Variants in KCNK9 observed in about 807,000 individuals in gnomAD.
KCNK9 encodes potassium two pore domain channel subfamily K member 9.
In KCNK9, 1 loss-of-function variant was observed where a neutral mutation model predicts 10.8. The ratio of observed to expected loss-of-function variants is 0.09; its 90% CI spans 0.03 to 0.44. The LOEUF (loss-of-function observed/expected upper bound fraction) is 0.44, where lower values mean the gene tolerates loss of function less well. KCNK9 is among the 20% of genes least tolerant of loss of function. KCNK9 has a pLI of 0.97. For synonymous variants in KCNK9, 231 were observed against 222.7 expected (o/e 1.04, Z -0.33); for missense variants, 303 against 515.0 (o/e 0.59, Z 3.98).
Position 139,702,837 on chromosome 8 carries a change from G to A in KCNK9, c.156C>T (p.Tyr52=). The change falls in exon 1 of 2, where the codon TAC becomes TAT. Residue 52 remains tyrosine (Y), a synonymous_variant. Coordinates refer to ENST00000520439, the MANE Select transcript of KCNK9 (RefSeq NM_001282534.2). The surrounding 1 kb of genome is among the most constrained non-coding windows in gnomAD (Gnocchi z 7.5). ...GCCGGTAGTCCTCGCTGCTGATGTT[G>A]TACTTCCCCTTGATCCGGATCTCCT... is the stretch of plus-strand genomic sequence containing the variant. The part of the protein sequence containing the change: ...KAEEIRIKGK[Y]NISSEDYRQL... The A allele has an allele frequency of 6.2e-7, 1 of 1,614,024 alleles. No homozygotes were observed. Among genetic ancestry groups the A allele is most frequent in the Non-Finnish European group, 8.5e-7 (1 of 1,179,978 alleles).
intron 1 of KCNK9, among the ~76,000 whole-genome samples, chr8:139,687,446 A>G (rs138973071): frequency 0.31 from 17,515 of 57,394 alleles, 3,909 homozygotes; most frequent in Non-Finnish European, 0.38. Context: ...ATATATATGT[A>G]TACACATATA....
At chr8:139,610,022 TAG>T (rs144098502), downstream of KCNK9, among the ~76,000 whole-genome samples, 982 of 152,286 alleles carry the variant, frequency 6.4e-3, 9 homozygotes, top group African/African-American at 0.023. Flanking sequence ...CCATGTTCCC[TAG>T]ACTTGACTTC....
At chr8:139,602,487 C>T (rs1471170553) in intron 2 of KCNK9, among the ~76,000 whole-genome samples, 2 of 152,148 alleles carry the variant, frequency 1.3e-5, no homozygotes, top group Admixed American at 6.5e-5. Flanking sequence ...GGTGGGAGAC[C>T]TTATAGGACC....
At chr8:139,641,164 G>T (rs1356885771) in intron 1 of KCNK9, among the ~76,000 whole-genome samples, 1 of 152,166 alleles carries the variant, frequency 6.6e-6, no homozygotes, top group African/African-American at 2.4e-5. Context: ...AGACGCCCAG[G>T]GACCTGTACT....
rs915603122 is a variant in KCNK9 at position 139,633,026 on chromosome 8, C to T, written c.284-13927G>A. 1.3e-4 allele frequency among the ~76,000 whole-genome samples: 20 copies of T among 152,112 alleles called. 1 individual carries two copies. Among genetic ancestry groups the T allele is most frequent in the Admixed American group, 4.6e-4 (7 of 15,266 alleles). Reference sequence around the variant, plus strand: ...CACGTCCATGGAACAGGTGAGAAAACGAGGGCTCAGGGACACGAGTAGCAG... The same window carrying T: ...CACGTCCATGGAACAGGTGAGAAAATGAGGGCTCAGGGACACGAGTAGCAG... On this transcript the variant is annotated intron_variant, in intron 1 of 1. Transcript: ENST00000520439.
At chr8:139,624,633 G>A (rs893387015) in intron 1 of KCNK9, among the ~76,000 whole-genome samples, 1 of 152,132 alleles carries the variant, frequency 6.6e-6, no homozygotes, top group African/African-American at 2.4e-5. Flanking sequence ...CCCCAGCTCA[G>A]CCCAGCCCCA....
chr8:139,674,792 G>A (rs2129744499), intron 1 of KCNK9, among the ~76,000 whole-genome samples: 1 of 152,244 alleles, frequency 6.6e-6, no homozygotes, highest in South Asian at 2.1e-4. Flanking sequence ...AGCAAGACAG[G>A]GACTCAGCCC....
chr8:139,614,429 G>A (rs910265395), downstream of KCNK9, among the ~76,000 whole-genome samples: 1 of 152,218 alleles, frequency 6.6e-6, no homozygotes, highest in African/African-American at 2.4e-5. Context: ...CTGCAAATGA[G>A]CTGCTGTGAC....
chr8:139,661,563 C>CTTTTTTTTTTTTTTTTTG (rs1816151863), intron 1 of KCNK9, among the ~76,000 whole-genome samples: 1 of 152,200 alleles, frequency 6.6e-6, no homozygotes, highest in Non-Finnish European at 1.5e-5. Context: ...CTCAGCTTCC[C>CTTTTTTTTTTTTTTTTTG]AGTGATAAGA....
intron 1 of KCNK9, among the ~76,000 whole-genome samples, chr8:139,661,824 C>A (rs879652233): frequency 5.3e-5 from 8 of 152,184 alleles, no homozygotes; most frequent in Non-Finnish European, 1.2e-4. Flanking sequence ...CAAAGGGGAC[C>A]ATTTGACCCA....
At chr8:139,691,689 C>T (rs1355662514) in intron 1 of KCNK9, among the ~76,000 whole-genome samples, 1 of 152,138 alleles carries the variant, frequency 6.6e-6, no homozygotes. Flanking sequence ...GGATATATAG[C>T]CATTAAAATC....
chr8:139,631,238 A>C (rs368963489), intron 1 of KCNK9, among the ~76,000 whole-genome samples: 33 of 152,376 alleles, frequency 2.2e-4, no homozygotes, highest in African/African-American at 7.5e-4. Context: ...GCCTTTCAGC[A>C]TTGACAAAAG....
At chr8:139,678,209 A>C (rs1024488177) in intron 1 of KCNK9, among the ~76,000 whole-genome samples, 2 of 152,234 alleles carry the variant, frequency 1.3e-5, no homozygotes, top group Non-Finnish European at 1.5e-5. Flanking sequence ...TGGAATCAAG[A>C]TTCTGCCCAA....
rs1316932936 is a variant in KCNK9 at position 139,677,798 on chromosome 8, A to G, written c.283+24912T>C. On this transcript the variant is annotated intron_variant, in intron 1 of 1. Transcript: ENST00000520439. ...TGTGTCCCCATGGCTGCAGAGTAATACCTCACCTCCCAGCCCAACAGGTCC... is the reference window on the plus strand; with the variant it reads ...TGTGTCCCCATGGCTGCAGAGTAATGCCTCACCTCCCAGCCCAACAGGTCC... 2.0e-3 allele frequency among the ~76,000 whole-genome samples: 300 copies of G among 147,456 alleles called. 1 individual carries two copies. Among genetic ancestry groups the G allele is most frequent in the African/African-American group, 7.3e-3 (275 of 37,618 alleles).
downstream of KCNK9, among the ~76,000 whole-genome samples, chr8:139,608,997 C>A (rs1048928005): frequency 6.6e-6 from 1 of 151,558 alleles, no homozygotes; most frequent in Admixed American, 6.6e-5. Context: ...ACTGCCCCCA[C>A]CCCCGCGTAT....
In KCNK9 at chr8:139,675,945, G is replaced by A. The variant is rs73725108; in HGVS notation, c.283+26765C>T. 9.5e-3 allele frequency among the ~76,000 whole-genome samples: 1,441 copies of A among 152,228 alleles called. 23 individuals are homozygous for A. Among genetic ancestry groups the A allele is most frequent in the African/African-American group, 0.033 (1,381 of 41,476 alleles). On this transcript the variant is annotated intron_variant, in intron 1 of 1. Coordinates refer to ENST00000520439, the MANE Select transcript of KCNK9 (RefSeq NM_001282534.2). ...ATCATGTGACCAAGTGCTGGCCAATGGAATGTGGGCAGAAATAATACACTG... is the reference window on the plus strand; with the variant it reads ...ATCATGTGACCAAGTGCTGGCCAATAGAATGTGGGCAGAAATAATACACTG...
At chr8:139,634,674 G>A (rs1815284654) in intron 1 of KCNK9, among the ~76,000 whole-genome samples, 1 of 152,136 alleles carries the variant, frequency 6.6e-6, no homozygotes, top group South Asian at 2.1e-4. Context: ...CCAGGGCCAG[G>A]CCTGGCACTT....
chr8:139,654,767 G>T (rs1030057795), intron 1 of KCNK9, among the ~76,000 whole-genome samples: 2 of 152,230 alleles, frequency 1.3e-5, no homozygotes, highest in African/African-American at 4.8e-5. Context: ...AGGCAGATCA[G>T]CGGCTTGTTC....
chr8:139,647,557 G>A (rs1815727942), intron 1 of KCNK9, among the ~76,000 whole-genome samples: 1 of 152,152 alleles, frequency 6.6e-6, no homozygotes, highest in African/African-American at 2.4e-5. Context: ...TGTGGTTAAG[G>A]GACAGCTATG....
Sources: allele counts gnomAD v4.1 joint callset (sites outside exome capture counted in the v4.1 genomes callset), GRCh38; gene constraint gnomAD v4.1.1; non-coding constraint Gnocchi (gnomAD v3.1); transcripts MANE v1.5; gene names NCBI Gene and HGNC (gene_info 2026-07-23, HGNC 2026-07-21).